Variants in CDH4 observed in about 807,000 individuals in gnomAD.
CDH4 encodes the protein cadherin 4, also known as cadherin-4.
A neutral mutation model predicts 86.0 loss-of-function variants in CDH4; 33 were observed. That is an observed-to-expected ratio of 0.38 (90% CI 0.29 to 0.51). The LOEUF is 0.51. CDH4 is among the 20% of genes least tolerant of loss of function. The pLI is 0.86. For missense variants in CDH4, 1,114 were observed against 1,307.4 expected, an observed-to-expected ratio of 0.85 and a Z score of 2.28; for synonymous variants, 555 against 549.4, an observed-to-expected ratio of 1.01 and a Z score of -0.14.
chr20:61,740,571 C>G (rs2088320863), intron 2 of CDH4: 1 of 152,238 alleles, frequency 6.6e-6, no homozygotes, highest in Non-Finnish European at 1.5e-5. Flanking sequence ...AAGCAGGTCC[C>G]CCCAACAACT....
chr20:61,869,859 G>T (rs1047163914), intron 6 of CDH4, among the ~76,000 whole-genome samples: 4 of 152,232 alleles, frequency 2.6e-5, no homozygotes, highest in African/African-American at 9.6e-5. Context: ...AGATCAGCTG[G>T]AAATGCCACT....
chr20:61,416,613 T>C (rs930305963), intron 2 of CDH4, among the ~76,000 whole-genome samples: 1 of 152,244 alleles, frequency 6.6e-6, no homozygotes, highest in Non-Finnish European at 1.5e-5. Flanking sequence ...ATTAATCAGG[T>C]ATTTTACATG....
At position 61,798,427 on chromosome 20, in the gene CDH4, C is replaced by T. The variant is rs138900907; in HGVS notation, c.576+25245C>T. Among the ~76,000 whole-genome samples the T allele has an allele frequency of 3.2e-3, 489 of 152,344 alleles. 2 individuals carry two copies. Among genetic ancestry groups the T allele is most frequent in the Middle Eastern group, 0.01 (3 of 294 alleles). ...CCCTCCGCTCCTTTCCTGCTACCTC[C>T]GTGCGCAGCAGGCCTTGTGGGGTGT... On this transcript the variant is annotated intron_variant, in intron 4 of 15. Coordinates refer to ENST00000614565, the MANE Select transcript of CDH4 (RefSeq NM_001794.5).
chr20:61,691,657 G>T (rs755468270), intron 2 of CDH4, among the ~76,000 whole-genome samples: 4 of 152,236 alleles, frequency 2.6e-5, no homozygotes, highest in Non-Finnish European at 5.9e-5. Context: ...GGTAGAGCCT[G>T]TTGCTCCAGG....
intron 11 of CDH4, 151 bp downstream of exon 11, chr20:61,924,627 C>T: frequency 3.7e-6 from 3 of 806,522 alleles, no homozygotes; most frequent in Non-Finnish European, 3.8e-6. Context: ...TCTGTGCAGA[C>T]ACCGGTGATC....
chr20:61,856,046 G>A (rs1162998059), intron 6 of CDH4, among the ~76,000 whole-genome samples: 1 of 152,174 alleles, frequency 6.6e-6, no homozygotes, highest in African/African-American at 2.4e-5. Context: ...GCAAAGTGTG[G>A]CTTGCTTCTC....
intron 2 of CDH4, among the ~76,000 whole-genome samples, chr20:61,559,523 T>C (rs1212160502): frequency 1.5e-5 from 2 of 137,856 alleles, no homozygotes; most frequent in Non-Finnish European, 3.1e-5. Flanking sequence ...TTTTTTCTTT[T>C]TTTTTTTTTT....
chr20:61,629,334 G>T (rs2086862319), intron 2 of CDH4, among the ~76,000 whole-genome samples: 1 of 152,192 alleles, frequency 6.6e-6, no homozygotes, highest in Admixed American at 6.5e-5. Context: ...CCTGGGAGCA[G>T]CCGGCAGGGA....
intron 3 of CDH4, among the ~76,000 whole-genome samples, chr20:61,765,518 C>G (rs1249094993): frequency 6.6e-6 from 1 of 152,300 alleles, no homozygotes; most frequent in African/African-American, 2.4e-5. Flanking sequence ...ACAGACAGGC[C>G]GGGCTCTCAG....
In CDH4 at chr20:61,379,252, C is replaced by T. The variant is rs114114101; in HGVS notation, c.169+124315C>T. Among the ~76,000 whole-genome samples, 440 of 152,144 alleles carry T rather than the reference C, an allele frequency of 2.9e-3. 2 individuals are homozygous for T. The highest frequency in any genetic ancestry group is 9.9e-3 in the African/African-American group (410 of 41,490). Reference sequence around the variant, plus strand: ...CTGAGGATGAGATACAGAGGATGCACGTGGTTTTGGAGTGAGTGCCTTGGC... The same window carrying T: ...CTGAGGATGAGATACAGAGGATGCATGTGGTTTTGGAGTGAGTGCCTTGGC... On this transcript the variant is annotated intron_variant, in intron 2 of 15. Transcript: ENST00000614565.
In CDH4 at chr20:61,697,183, C is replaced by T. The variant is rs143991855; in HGVS notation, c.170-46380C>T. On this transcript the variant is annotated intron_variant, in intron 2 of 15. Coordinates refer to ENST00000614565, the MANE Select transcript of CDH4 (RefSeq NM_001794.5). ...TGCGGATGAAGGATCCTAGGGGTTCCTGGGGCCTGAGAATGAGGACGAAAG... is the reference window on the plus strand; with the variant it reads ...TGCGGATGAAGGATCCTAGGGGTTCTTGGGGCCTGAGAATGAGGACGAAAG... Among the ~76,000 whole-genome samples the T allele has an allele frequency of 2.8e-3, 432 of 152,272 alleles. 7 individuals are homozygous for T. The highest frequency in any genetic ancestry group is 1.2e-3 in the Non-Finnish European group (80 of 68,034).
At chr20:61,533,166 T>C (rs1365224563) in intron 2 of CDH4, among the ~76,000 whole-genome samples, 1 of 151,864 alleles carries the variant, frequency 6.6e-6, no homozygotes, top group Non-Finnish European at 1.5e-5. Flanking sequence ...TGGGGGTGAC[T>C]CAGGCCACTG....
rs762061061 is a variant in CDH4, at chr20:61,936,720, GTGTC to G, written c.2545-13_2545-10del. 2 of 1,516,042 alleles carry G rather than the reference GTGTC, an allele frequency of 1.3e-6. No homozygotes were observed. Among genetic ancestry groups the G allele is most frequent in the African/African-American group, 1.4e-5 (1 of 70,952 alleles). The allele number at this position is 1,516,042 out of a possible 1,614,324, so 93.9% of individuals were successfully genotyped here. A position where few individuals can be genotyped will look rare whatever the true frequency, so the allele number is the denominator to read the frequency against. ...ACAACGCGTCCTGCACCCTAACTCT[GTGTC>G]TGTGACCCCCAGGGACTCCGCGCTG... On this transcript the variant is annotated splice_polypyrimidine_tract_variant and intron_variant, in intron 15 of 15. Transcript: ENST00000614565.
At chr20:61,355,023 G>T (rs144252727) in intron 2 of CDH4, among the ~76,000 whole-genome samples, 1,925 of 149,668 alleles carry the variant, frequency 0.013, 22 homozygotes, top group Middle Eastern at 0.041. Context: ...TGTAATTCTT[G>T]CTGGCTTTGG....
chr20:61,886,885 C>T (rs1484050336), intron 7 of CDH4, among the ~76,000 whole-genome samples: 3 of 152,206 alleles, frequency 2.0e-5, no homozygotes, highest in East Asian at 1.9e-4. Context: ...CAGGGCCCTG[C>T]CCTGTGGTTA....
chr20:61,648,385 T>G (rs981591649), intron 2 of CDH4, among the ~76,000 whole-genome samples: 1 of 152,158 alleles, frequency 6.6e-6, no homozygotes, highest in Non-Finnish European at 1.5e-5. Flanking sequence ...CAGACAGGAT[T>G]TCTCACTTAA....
At position 61,291,477 on chromosome 20, in the gene CDH4, CA is replaced by C. The variant is rs558205007; in HGVS notation, c.169+36541del. On this transcript the variant is annotated intron_variant, in intron 2 of 15. Transcript: ENST00000614565. The stretch of plus-strand genomic sequence containing the variant: ...GCTGTGTGACCCCGGACAAGCTTCT[CA>C]CCCTCTCTGGACTTCAGTCTCCTCC... Among the ~76,000 whole-genome samples the C allele has an allele frequency of 1.3e-3, 198 of 152,332 alleles. 1 individual carries two copies. The highest frequency in any genetic ancestry group is 4.3e-3 in the African/African-American group (180 of 41,586).
intron 6 of CDH4, among the ~76,000 whole-genome samples, chr20:61,855,700 G>C (rs778703520): frequency 6.6e-6 from 1 of 152,238 alleles, no homozygotes; most frequent in Non-Finnish European, 1.5e-5. Context: ...AGCAAATTGC[G>C]GAGACGTGGC....
intron 2 of CDH4, among the ~76,000 whole-genome samples, chr20:61,397,085 A>AT (rs2085021842): frequency 1.3e-5 from 2 of 151,866 alleles, no homozygotes; most frequent in Non-Finnish European, 2.9e-5. Context: ...AATTTTTTGT[A>AT]TTTTTTGTAA....
Sources: allele counts gnomAD v4.1 joint callset (sites outside exome capture counted in the v4.1 genomes callset), GRCh38; gene constraint gnomAD v4.1.1; transcripts MANE v1.5; gene names NCBI Gene and HGNC (gene_info 2026-07-23, HGNC 2026-07-21).